LARGE1: variants seen among roughly 807,000 people sequenced by gnomAD.
LARGE1 encodes xylosyl- and glucuronyltransferase LARGE1.
A neutral mutation model predicts 87.6 loss-of-function variants in LARGE1; 43 were observed. The observed-to-expected ratio is 0.49, with a 90% CI of 0.38 to 0.63. The LOEUF (loss-of-function observed/expected upper bound fraction) is 0.63. LARGE1 is among the 30% of genes least tolerant of loss of function. The pLI, the probability that LARGE1 is intolerant of heterozygous loss-of-function variation, is 0.00. For synonymous variants in LARGE1, 434 were observed against 394.6 expected (o/e 1.10, Z -1.18); for missense variants, 802 against 1,000.2 (o/e 0.80, Z 2.67).
chr22:33,610,495 A>ATTTTT (rs2079396041), intron 4 of LARGE1, among the ~76,000 whole-genome samples: 1 of 152,194 alleles, frequency 6.6e-6, no homozygotes, highest in Non-Finnish European at 1.5e-5. Flanking sequence ...CTGCCAGAGG[A>ATTTTT]CATTTCTAAG....
chr22:33,870,441 T>C (rs1442836225), intron 1 of LARGE1, among the ~76,000 whole-genome samples: 13 of 152,220 alleles, frequency 8.5e-5, no homozygotes, highest in African/African-American at 2.2e-4. Context: ...AGTCACTAAA[T>C]CTTCATTAAC....
chr22:33,621,076 G>A (rs902200920), intron 4 of LARGE1, among the ~76,000 whole-genome samples: 2 of 152,026 alleles, frequency 1.3e-5, no homozygotes, highest in African/African-American at 2.4e-5. Context: ...AAATATATAC[G>A]ATGCATCCCA....
chr22:33,188,383 G>T (rs1353258278), intron 11 of LARGE1, among the ~76,000 whole-genome samples: 4 of 152,042 alleles, frequency 2.6e-5, no homozygotes, highest in Non-Finnish European at 5.9e-5. Context: ...GGAGGGGCAG[G>T]TACAACACAG....
At chr22:33,383,419 GT>G (rs2065221920) in intron 8 of LARGE1, among the ~76,000 whole-genome samples, 3 of 152,056 alleles carry the variant, frequency 2.0e-5, no homozygotes, top group Non-Finnish European at 2.9e-5. Flanking sequence ...AATTAGCCTG[GT>G]GTGGTGCTGC....
At chr22:33,481,220 TACAC>T (rs71785834) in intron 6 of LARGE1, among the ~76,000 whole-genome samples, 24 of 146,688 alleles carry the variant, frequency 1.6e-4, no homozygotes, top group South Asian at 4.3e-4. Flanking sequence ...GCACTATAGA[TACAC>T]ACACACACAC....
At chr22:33,209,294 A>T (rs1317797805) in intron 11 of LARGE1, among the ~76,000 whole-genome samples, 1 of 152,234 alleles carries the variant, frequency 6.6e-6, no homozygotes. Context: ...ACCCTCCAGA[A>T]CTAACAAATG....
intron 11 of LARGE1, among the ~76,000 whole-genome samples, chr22:33,250,510 T>TAAAGA (rs1926965191): frequency 2.0e-5 from 3 of 152,222 alleles, no homozygotes; most frequent in Admixed American, 6.5e-5. Flanking sequence ...TACTCTTCTT[T>TAAAGA]CCTTTTCTTG....
intron 1 of LARGE1, among the ~76,000 whole-genome samples, chr22:33,775,070 C>T (rs564746009): frequency 1.9e-4 from 29 of 152,290 alleles, no homozygotes; most frequent in African/African-American, 7.0e-4. Context: ...TATTGGGCAA[C>T]TAGGATACCC....
chr22:33,493,856 G>A (rs989895753), intron 6 of LARGE1, among the ~76,000 whole-genome samples: 4 of 152,166 alleles, frequency 2.6e-5, no homozygotes, highest in African/African-American at 9.7e-5. Flanking sequence ...AGTGTGCCCA[G>A]ACTCCTGACA....
intron 1 of LARGE1, among the ~76,000 whole-genome samples, chr22:33,827,761 C>A (rs530596417): frequency 6.6e-6 from 1 of 152,286 alleles, no homozygotes; most frequent in South Asian, 2.1e-4. Flanking sequence ...TCTACTTCAG[C>A]GGTTCCCAAA....
intron 6 of LARGE1, among the ~76,000 whole-genome samples, chr22:33,498,457 T>C (rs536011916): frequency 2.6e-4 from 39 of 152,132 alleles, no homozygotes; most frequent in Non-Finnish European, 4.0e-4. Flanking sequence ...TGGATACATA[T>C]ATTAACGATG....
At chr22:33,490,208 A>G (rs570887836) in intron 6 of LARGE1, among the ~76,000 whole-genome samples, 32 of 152,302 alleles carry the variant, frequency 2.1e-4, no homozygotes, top group African/African-American at 7.7e-4. Context: ...ATTCCTACCA[A>G]GTTCACATTA....
intron 6 of LARGE1, among the ~76,000 whole-genome samples, chr22:33,563,599 CG>C (rs1427020622): frequency 6.6e-6 from 1 of 152,166 alleles, no homozygotes; most frequent in Non-Finnish European, 1.5e-5. Context: ...AGCCAAGACA[CG>C]GGCACTCTGA....
At chr22:33,528,297 G>A (rs990696302) in intron 6 of LARGE1, among the ~76,000 whole-genome samples, 2 of 152,104 alleles carry the variant, frequency 1.3e-5, no homozygotes, top group Admixed American at 6.5e-5. Context: ...GGGGACTGTA[G>A]ACTCCGTCAG....
At chr22:33,313,760 G>T (rs553400241) in intron 11 of LARGE1, among the ~76,000 whole-genome samples, 53 of 152,346 alleles carry the variant, frequency 3.5e-4, no homozygotes, top group Non-Finnish European at 6.6e-4. Flanking sequence ...GAGCTTGGAT[G>T]TGGATGCCAA....
chr22:33,294,854 T>C (rs117348000), intron 12 of LARGE1, among the ~76,000 whole-genome samples: 3,365 of 152,150 alleles, frequency 0.022, 64 homozygotes, highest in Non-Finnish European at 0.029. Context: ...CCCTATGCGG[T>C]AGAGAGGATG....
intron 1 of LARGE1, among the ~76,000 whole-genome samples, chr22:33,762,331 T>C (rs181665420): frequency 6.6e-6 from 1 of 151,142 alleles, no homozygotes; most frequent in East Asian, 2.0e-4. Context: ...GAGATGTGCA[T>C]GGACCACTCT....
chr22:33,089,341 T>TCTC, the LARGE1 span, among the ~76,000 whole-genome samples: 15 of 86,184 alleles, frequency 1.7e-4, no homozygotes, highest in African/African-American at 7.8e-4. Flanking sequence ...TTCTTCTTCT[T>TCTC]CTTCTTCTTC....
At chr22:33,862,688 G>T (rs766456566) in intron 1 of LARGE1, among the ~76,000 whole-genome samples, 6 of 152,178 alleles carry the variant, frequency 3.9e-5, no homozygotes, top group Non-Finnish European at 7.3e-5. Flanking sequence ...GCTCTGTCAC[G>T]TGTCCTCGGG....
Sources: allele counts gnomAD v4.1 joint callset (sites outside exome capture counted in the v4.1 genomes callset), GRCh38; gene constraint gnomAD v4.1.1; transcripts MANE v1.5; gene names NCBI Gene and HGNC (gene_info 2026-07-23, HGNC 2026-07-21).